Variants in KIAA0825 observed in about 807,000 individuals in gnomAD.
The protein encoded by KIAA0825 is KIAA0825.
Under a neutral mutation model 147.6 loss-of-function variants are expected in KIAA0825, and 119 were observed. The observed-to-expected ratio is 0.81, with a 90% CI of 0.69 to 0.94. The LOEUF is 0.94. Among genes scored for constraint, KIAA0825 ranks in the 40% least tolerant of loss-of-function variants. KIAA0825 has a pLI of 0.00. For missense variants in KIAA0825, 1,381 were observed against 1,472.7 expected, an observed-to-expected ratio of 0.94 and a Z score of 1.02; for synonymous variants, 470 against 518.1, an observed-to-expected ratio of 0.91 and a Z score of 1.26.
chr5:94,578,516 GT>G (rs891164379), intron 2 of KIAA0825, among the ~76,000 whole-genome samples: 28 of 151,764 alleles, frequency 1.8e-4, no homozygotes, highest in African/African-American at 1.4e-4. Context: ...TTCTGTTTAT[GT>G]TTTTTTTCTG....
At chr5:94,157,865 G>GTA (rs1313658881) in intron 20 of KIAA0825, among the ~76,000 whole-genome samples, 4 of 152,104 alleles carry the variant, frequency 2.6e-5, no homozygotes, top group Admixed American at 6.5e-5. Context: ...AAAACATGAG[G>GTA]TATATCCTTG....
chr5:94,241,047 C>T (rs1775318233), intron 20 of KIAA0825, among the ~76,000 whole-genome samples: 1 of 152,146 alleles, frequency 6.6e-6, no homozygotes, highest in African/African-American at 2.4e-5. Flanking sequence ...TGATGTGACA[C>T]CAAGTAACTC....
intron 20 of KIAA0825, among the ~76,000 whole-genome samples, chr5:94,318,374 T>C (rs1779850761): frequency 6.6e-6 from 1 of 151,878 alleles, no homozygotes; most frequent in Admixed American, 6.6e-5. Context: ...TGAAATTTTA[T>C]TAGTAAACTG....
Position 94,520,677 on chromosome 5 carries a change from C to T in KIAA0825, c.541G>A (p.Glu181Lys), listed in dbSNP as rs1377187786. 3 of 1,613,228 alleles carry T rather than the reference C, an allele frequency of 1.9e-6. No homozygotes were observed. The highest frequency in any genetic ancestry group is 2.5e-6 in the Non-Finnish European group (3 of 1,179,462). Residue 181 changes from glutamate (E) to lysine (K), a missense_variant, in exon 5 of 21, where the codon GAA (glutamate) becomes AAA (lysine). By Grantham distance (56) the Glu-to-Lys change is moderately conservative. Transcript: ENST00000682413. ...FLVSKLQSHNEINNSQQKILL... is the reference protein window; with the variant it reads ...FLVSKLQSHNKINNSQQKILL... ...ATTTTTTGCTGTGAATTGTTTATTT[C>T]ATTATGGCTTTGTAATTTGCTCACT...
intron 14 of KIAA0825, among the ~76,000 whole-genome samples, chr5:94,433,074 C>G (rs1205575187): frequency 6.6e-6 from 1 of 152,102 alleles, no homozygotes; most frequent in South Asian, 2.1e-4. Context: ...CGCTCCATAG[C>G]CCAGGCTGGA....
rs539782392 is a variant in KIAA0825 at position 94,549,383 on chromosome 5, T to G, written c.-1-12256A>C. On this transcript the variant is annotated intron_variant, in intron 2 of 20. Coordinates refer to ENST00000682413, the MANE Select transcript of KIAA0825 (RefSeq NM_001145678.3). ...GAAATTATGAAGCAAATTAAAAAATTTCTTGAAACAAATGATAATGGAAAC... is the reference window on the plus strand; with the variant it reads ...GAAATTATGAAGCAAATTAAAAAATGTCTTGAAACAAATGATAATGGAAAC... Among the ~76,000 whole-genome samples, 20 of 152,204 alleles carry G rather than the reference T, an allele frequency of 1.3e-4. No homozygotes were observed. In the South Asian group the frequency reaches 3.5e-3, roughly 27 times the overall value.
rs184754064 is a variant in KIAA0825 at position 94,602,921 on chromosome 5, C to T, written c.-153+15579G>A. 3.3e-5 allele frequency among the ~76,000 whole-genome samples: 5 copies of T among 151,898 alleles called. No individual in the cohort carries two copies. In the East Asian group the frequency reaches 5.8e-4, roughly 18 times the overall value. On this transcript the variant is annotated intron_variant, in intron 1 of 20. Coordinates refer to ENST00000682413, the MANE Select transcript of KIAA0825 (RefSeq NM_001145678.3). The stretch of plus-strand genomic sequence containing the variant: ...TCAGCTCACTGCAACCTCTGCCACC[C>T]GGGTTCAAGTGATTCTCCCACCTCA...
intron 4 of KIAA0825, among the ~76,000 whole-genome samples, chr5:94,521,636 G>T (rs964089026): frequency 1.3e-5 from 2 of 151,660 alleles, no homozygotes; most frequent in Non-Finnish European, 3.0e-5. Flanking sequence ...AAGATGATAT[G>T]AAATTATTCC....
chr5:94,553,209 CG>C (rs1775868606), intron 2 of KIAA0825, among the ~76,000 whole-genome samples: 1 of 152,000 alleles, frequency 6.6e-6, no homozygotes, highest in Non-Finnish European at 1.5e-5. Flanking sequence ...GAGGCGGAGG[CG>C]GGTGGATCAC....
rs574566920 is a variant in KIAA0825 at position 94,362,714 on chromosome 5, G to C, written c.3710+21654C>G. Among the ~76,000 whole-genome samples the C allele has an allele frequency of 2.7e-5, 4 of 150,236 alleles. No individual in the cohort carries two copies. The South Asian group carries it at 8.4e-4, about 32-fold the overall frequency. On this transcript the variant is annotated intron_variant, in intron 20 of 20. Coordinates refer to ENST00000682413, the MANE Select transcript of KIAA0825 (RefSeq NM_001145678.3). ...GATTCTGAGTTCCTTGACAGCAGGG[G>C]CTGTGTCTGGCTGATTTCTTTATTT...
intron 2 of KIAA0825, among the ~76,000 whole-genome samples, chr5:94,544,137 G>A (rs1561292304): frequency 1.3e-5 from 2 of 152,180 alleles, no homozygotes; most frequent in African/African-American, 4.8e-5. Context: ...CCTCTTTCCT[G>A]TAACGGAATA....
At position 94,152,513 on chromosome 5, in the gene KIAA0825, C is replaced by A. The variant is rs890808917; in HGVS notation, c.*1494G>T. ...GTCCAGCCTGGGCAACATAGTGAGA[C>A]CCCATCTCTACAAAAACATTTTAAA... On this transcript the variant is annotated 3_prime_UTR_variant, in exon 21 of 21. Coordinates refer to ENST00000682413, the MANE Select transcript of KIAA0825 (RefSeq NM_001145678.3). Among the ~76,000 whole-genome samples the A allele has an allele frequency of 1.3e-5, 2 of 151,480 alleles. No individual in the cohort carries two copies. The highest frequency in any genetic ancestry group is 2.4e-5 in the African/African-American group (1 of 41,196).
intron 20 of KIAA0825, among the ~76,000 whole-genome samples, chr5:94,365,108 C>G (rs181943844): frequency 1.8e-3 from 268 of 152,266 alleles, no homozygotes; most frequent in African/African-American, 6.3e-3. Context: ...GTCTGTGGCC[C>G]TATGTAAATC....
At chr5:94,450,779 C>A (rs1031865122) in intron 13 of KIAA0825, among the ~76,000 whole-genome samples, 2 of 152,136 alleles carry the variant, frequency 1.3e-5, no homozygotes, top group Admixed American at 1.3e-4. Context: ...AGAATCCCTA[C>A]AAAGTTAAAT....
chr5:94,261,504 A>C (rs1776491693), intron 20 of KIAA0825, among the ~76,000 whole-genome samples: 1 of 152,134 alleles, frequency 6.6e-6, no homozygotes, highest in Admixed American at 6.6e-5. Context: ...AGAAAGGCCG[A>C]CCTTAAATAA....
At chr5:94,391,753 A>T in intron 17 of KIAA0825, 59 bp from the exon 18 acceptor site, 1 of 1,308,056 alleles carries the variant, frequency 7.6e-7, no homozygotes, top group Non-Finnish European at 1.0e-6. Flanking sequence ...ATGGAGAGTA[A>T]TCATGGAGAT....
intron 2 of KIAA0825, among the ~76,000 whole-genome samples, chr5:94,538,508 G>A (rs755189885): frequency 5.3e-5 from 8 of 152,184 alleles, no homozygotes; most frequent in Non-Finnish European, 8.8e-5. Context: ...GCCACTGGCT[G>A]GGCATTTGAT....
At chr5:94,525,265 C>G (rs1420735250) in intron 3 of KIAA0825, among the ~76,000 whole-genome samples, 1 of 151,818 alleles carries the variant, frequency 6.6e-6, no homozygotes, top group African/African-American at 2.4e-5. Context: ...ACCAAGCGCT[C>G]ATTATTAAAA....
intron 4 of KIAA0825, among the ~76,000 whole-genome samples, chr5:94,523,706 T>A (rs1473405608): frequency 6.6e-6 from 1 of 151,484 alleles, no homozygotes; most frequent in Non-Finnish European, 1.5e-5. Context: ...TAATATTGTA[T>A]CTCCATTTAT....
Sources: allele counts gnomAD v4.1 joint callset (sites outside exome capture counted in the v4.1 genomes callset), GRCh38; gene constraint gnomAD v4.1.1; transcripts MANE v1.5; gene names NCBI Gene and HGNC (gene_info 2026-07-23, HGNC 2026-07-21).